Variants in STPG2 observed in about 807,000 individuals in gnomAD.
STPG2 encodes sperm-tail PG-rich repeat-containing protein 2.
In STPG2, 56 loss-of-function variants were observed where a neutral mutation model predicts 54.2. The ratio of observed to expected loss-of-function variants is 1.03; its 90% confidence interval spans 0.83 to 1.29. STPG2 has a LOEUF of 1.29. Among genes scored for constraint, STPG2 ranks in the 50% most tolerant of loss-of-function variants. The pLI is 0.00. For synonymous variants in STPG2, 200 were observed against 181.8 expected, an observed-to-expected ratio of 1.10 and a Z score of -0.81; for missense variants, 596 against 544.9, an observed-to-expected ratio of 1.09 and a Z score of -0.93.
At chr4:97,530,279 T>A (rs1460974408) in intron 4 of STPG2, among the ~76,000 whole-genome samples, 1 of 152,204 alleles carries the variant, frequency 6.6e-6, no homozygotes, top group African/African-American at 2.4e-5. Context: ...GTGATTATTT[T>A]GTGACATTGT....
At chr4:97,738,858 G>A (rs1030829102) in intron 9 of STPG2, among the ~76,000 whole-genome samples, 4 of 152,108 alleles carry the variant, frequency 2.6e-5, no homozygotes, top group African/African-American at 4.8e-5. Flanking sequence ...TGCACCAAGT[G>A]GACCTAATAG....
chr4:97,724,613 T>C (rs1408441118), intron 9 of STPG2, among the ~76,000 whole-genome samples: 1 of 152,128 alleles, frequency 6.6e-6, no homozygotes, highest in Non-Finnish European at 1.5e-5. Flanking sequence ...AGTTTCTGGA[T>C]ATTTTTTAAA....
chr4:97,907,665 C>T (rs1197577905), intron 8 of STPG2, among the ~76,000 whole-genome samples: 1 of 152,152 alleles, frequency 6.6e-6, no homozygotes, highest in Admixed American at 6.6e-5. Flanking sequence ...GGTACCAAAA[C>T]AGAGATATAG....
At chr4:97,686,139 T>C (rs1723181039) in intron 10 of STPG2, among the ~76,000 whole-genome samples, 2 of 152,236 alleles carry the variant, frequency 1.3e-5, no homozygotes, top group Admixed American at 1.3e-4. Context: ...TCTCATGTCA[T>C]GAACACGGTG....
chr4:98,089,642 T>C (rs1009379599), intron 5 of STPG2, among the ~76,000 whole-genome samples: 1 of 152,042 alleles, frequency 6.6e-6, no homozygotes, highest in Non-Finnish European at 1.5e-5. Context: ...GTTTCCACAA[T>C]GGTTGTACTA....
intron 6 of STPG2, among the ~76,000 whole-genome samples, chr4:97,978,182 G>T (rs972415977): frequency 2.0e-5 from 3 of 152,026 alleles, no homozygotes; most frequent in African/African-American, 7.3e-5. Context: ...ATACCCAAAG[G>T]AATATAAACT....
chr4:97,977,881 C>G (rs1385086514), intron 6 of STPG2, among the ~76,000 whole-genome samples: 1 of 152,162 alleles, frequency 6.6e-6, no homozygotes, highest in Non-Finnish European at 1.5e-5. Context: ...GAGGAGACTG[C>G]TGGTGATGAC....
At chr4:97,983,932 T>A (rs1734753888) in intron 5 of STPG2, among the ~76,000 whole-genome samples, 1 of 152,170 alleles carries the variant, frequency 6.6e-6, no homozygotes, top group Non-Finnish European at 1.5e-5. Flanking sequence ...TTAAAAATCA[T>A]GAGTTCACAT....
chr4:97,444,853 C>A (rs916228862), intron 4 of STPG2, among the ~76,000 whole-genome samples: 1 of 152,064 alleles, frequency 6.6e-6, no homozygotes, highest in Non-Finnish European at 1.5e-5. Flanking sequence ...CATCGTGAAA[C>A]CCCGTCTCTA....
intron 4 of STPG2, among the ~76,000 whole-genome samples, chr4:97,539,735 A>T (rs1731643729): frequency 6.6e-6 from 1 of 152,172 alleles, no homozygotes; most frequent in Admixed American, 6.5e-5. Context: ...TCCACCACAA[A>T]TCAACAGAAT....
At chr4:97,979,498 C>T (rs903992797) in intron 6 of STPG2, among the ~76,000 whole-genome samples, 2 of 152,128 alleles carry the variant, frequency 1.3e-5, no homozygotes, top group African/African-American at 4.8e-5. Context: ...ATGAAACAAT[C>T]CTCTCTTTGG....
At chr4:97,686,786 G>A (rs1723202282) in intron 10 of STPG2, among the ~76,000 whole-genome samples, 1 of 151,950 alleles carries the variant, frequency 6.6e-6, no homozygotes, top group African/African-American at 2.4e-5. Flanking sequence ...TATCACGGTA[G>A]TAAATCCATT....
intron 9 of STPG2, among the ~76,000 whole-genome samples, chr4:97,801,685 A>C (rs1451235149): frequency 6.6e-6 from 1 of 151,972 alleles, no homozygotes; most frequent in African/African-American, 2.4e-5. Context: ...CATAATATAC[A>C]CTGGGGAACA....
At chr4:97,661,166 T>C (rs748092329) in intron 10 of STPG2, among the ~76,000 whole-genome samples, 3 of 152,186 alleles carry the variant, frequency 2.0e-5, no homozygotes, top group African/African-American at 4.8e-5. Flanking sequence ...GTGGGTAATA[T>C]AGAATCATCC....
At chr4:97,962,468 T>A (rs532324711) in intron 7 of STPG2, among the ~76,000 whole-genome samples, 1 of 152,190 alleles carries the variant, frequency 6.6e-6, no homozygotes, top group Non-Finnish European at 1.5e-5. Flanking sequence ...AATCAATTGA[T>A]ACTGCAATTA....
At chr4:97,877,193 C>A (rs1360064747) in intron 8 of STPG2, among the ~76,000 whole-genome samples, 2 of 152,138 alleles carry the variant, frequency 1.3e-5, no homozygotes, top group Non-Finnish European at 2.9e-5. Flanking sequence ...ACTTTGTACC[C>A]TTTAATCAAC....
intron 7 of STPG2, among the ~76,000 whole-genome samples, chr4:97,969,044 T>C (rs1167999469): frequency 1.3e-5 from 2 of 152,204 alleles, no homozygotes; most frequent in Non-Finnish European, 1.5e-5. Context: ...CCTGTTCATA[T>C]GGATAAGATA....
At chr4:98,121,307 T>G (rs1739672876) in intron 3 of STPG2, among the ~76,000 whole-genome samples, 1 of 152,238 alleles carries the variant, frequency 6.6e-6, no homozygotes. Flanking sequence ...GTAATATAGG[T>G]TGAAGTCAGC....
chr4:97,592,014 A>G (rs1274420006), intron 10 of STPG2, among the ~76,000 whole-genome samples: 1 of 152,242 alleles, frequency 6.6e-6, no homozygotes, highest in Non-Finnish European at 1.5e-5. Context: ...AAACATGTGA[A>G]TTGTACAAAA....
Sources: allele counts gnomAD v4.1 joint callset (sites outside exome capture counted in the v4.1 genomes callset), GRCh38; gene constraint gnomAD v4.1.1; transcripts MANE v1.5; gene names NCBI Gene and HGNC (gene_info 2026-07-23, HGNC 2026-07-21).